The following AFG1L variants were observed in gnomAD, a reference collection of about 807,000 sequenced individuals.
AFG1L encodes the protein AFG1-like ATPase.
AFG1L carries 53 observed loss-of-function variants against 62.2 expected under a neutral mutation model. The ratio of observed to expected loss-of-function variants is 0.85; its 90% CI spans 0.68 to 1.07. The LOEUF (loss-of-function observed/expected upper bound fraction) is 1.07. Ranked by LOEUF, AFG1L falls within the 50% of genes least tolerant of loss-of-function variation. The pLI is 0.00. For synonymous variants in AFG1L, 228 were observed against 210.3 expected (o/e 1.08, Z -0.73); for missense variants, 555 against 590.5 (o/e 0.94, Z 0.62).
At chr6:108,403,596 T>C (rs986556962) in intron 7 of AFG1L, among the ~76,000 whole-genome samples, 14 of 152,140 alleles carry the variant, frequency 9.2e-5, no homozygotes, top group African/African-American at 3.4e-4. Flanking sequence ...GACATAGACT[T>C]GCAACGTTTT....
intron 1 of AFG1L, among the ~76,000 whole-genome samples, chr6:108,312,056 G>A (rs1270837140): frequency 2.6e-5 from 4 of 152,010 alleles, no homozygotes; most frequent in Non-Finnish European, 5.9e-5. Context: ...GTAGAGATGG[G>A]GTTTCACCAT....
intron 3 of AFG1L, among the ~76,000 whole-genome samples, chr6:108,347,886 A>G (rs1216676609): frequency 6.6e-6 from 1 of 152,004 alleles, no homozygotes; most frequent in Non-Finnish European, 1.5e-5. Flanking sequence ...TTCTACTGGC[A>G]TACTCAAAAC....
intron 7 of AFG1L, among the ~76,000 whole-genome samples, chr6:108,432,545 T>G (rs970132297): frequency 1.3e-5 from 2 of 152,222 alleles, no homozygotes; most frequent in Non-Finnish European, 2.9e-5. Flanking sequence ...TCTCTACCTC[T>G]ATGGTTCTAA....
chr6:108,498,370 C>T (rs1582667919), intron 10 of AFG1L, among the ~76,000 whole-genome samples: 1 of 152,244 alleles, frequency 6.6e-6, no homozygotes, highest in Non-Finnish European at 1.5e-5. Context: ...TTCAATTCTC[C>T]AGTGGGTTTT....
intron 7 of AFG1L, among the ~76,000 whole-genome samples, chr6:108,442,371 G>T (rs1350940901): frequency 1.3e-5 from 2 of 151,950 alleles, no homozygotes; most frequent in Non-Finnish European, 2.9e-5. Context: ...TAAAACACAG[G>T]ACATCTTGAG....
intron 2 of AFG1L, among the ~76,000 whole-genome samples, chr6:108,329,361 C>G (rs185179218): frequency 1.5e-4 from 23 of 151,872 alleles, no homozygotes; most frequent in African/African-American, 5.6e-4. Context: ...TGCAATGGTG[C>G]GATCTTGGCT....
At chr6:108,485,425 C>T (rs1773499626) in intron 10 of AFG1L, among the ~76,000 whole-genome samples, 1 of 151,096 alleles carries the variant, frequency 6.6e-6, no homozygotes, top group South Asian at 2.1e-4. Flanking sequence ...TGTATACTTT[C>T]AATATGTTCT....
rs1411895560 is a variant in AFG1L, at chr6:108,366,229, A to G, written c.649-4A>G. On this transcript the variant is annotated splice_polypyrimidine_tract_variant and splice_region_variant and intron_variant, in intron 5 of 12. Transcript: ENST00000368977. ...AAATAAAACAAATGTGTTGTTGTCA[A>G]TAGGTCACTGACATTGCTGATGCCA... is the stretch of plus-strand genomic sequence containing the variant. 20 of 1,566,416 alleles carry G rather than the reference A, an allele frequency of 1.3e-5. No individual in the cohort carries two copies. The East Asian group carries it at 2.2e-4, about 18-fold the overall frequency.
intron 2 of AFG1L, 94 bp downstream of exon 2, chr6:108,324,142 T>C (rs1777938397): frequency 6.8e-6 from 6 of 881,314 alleles, no homozygotes; most frequent in Non-Finnish European, 1.0e-5. Flanking sequence ...ATGAAACATC[T>C]TGAAAAATTT....
intron 6 of AFG1L, 143 bp from the exon 7 acceptor site, chr6:108,401,853 G>T: frequency 2.0e-6 from 1 of 501,902 alleles, no homozygotes; most frequent in Non-Finnish European, 3.6e-6. Flanking sequence ...AGGACCCAAA[G>T]AGAAATCAAT....
chr6:108,506,904 C>A (rs1774441826), intron 10 of AFG1L, among the ~76,000 whole-genome samples: 1 of 152,114 alleles, frequency 6.6e-6, no homozygotes, highest in South Asian at 2.1e-4. Flanking sequence ...TTATTATTCT[C>A]TTTTTAATTT....
At chr6:108,324,837 C>T (rs758576039) in intron 2 of AFG1L, among the ~76,000 whole-genome samples, 7 of 151,970 alleles carry the variant, frequency 4.6e-5, no homozygotes, top group Admixed American at 1.3e-4. Context: ...GGGTAACAAG[C>T]GTGGACCACC....
intron 7 of AFG1L, among the ~76,000 whole-genome samples, chr6:108,432,434 C>T (rs1771117867): frequency 6.6e-6 from 1 of 152,168 alleles, no homozygotes; most frequent in African/African-American, 2.4e-5. Context: ...CTGGACTACT[C>T]ATATACTTTT....
intron 3 of AFG1L, 139 bp downstream of exon 3, chr6:108,347,178 A>G: frequency 1.4e-6 from 1 of 708,546 alleles, no homozygotes; most frequent in Non-Finnish European, 2.4e-6. Context: ...GGGAGAGAAG[A>G]AAAGGGAGAG....
chr6:108,448,040 C>T (rs1008296087), intron 8 of AFG1L, among the ~76,000 whole-genome samples: 2 of 152,100 alleles, frequency 1.3e-5, no homozygotes, highest in Admixed American at 6.6e-5. Context: ...TTGATGACAA[C>T]GTGCATTTGA....
At chr6:108,446,051 TACACACACACAC>T (rs67384163) in intron 7 of AFG1L, among the ~76,000 whole-genome samples, 17,594 of 141,728 alleles carry the variant, frequency 0.12, 1,287 homozygotes, top group African/African-American at 0.21. Flanking sequence ...TATGTAGAGA[TACACACACACAC>T]ACACACACAC....
At chr6:108,430,631 G>T (rs1204950879) in intron 7 of AFG1L, among the ~76,000 whole-genome samples, 1 of 152,170 alleles carries the variant, frequency 6.6e-6, no homozygotes, top group African/African-American at 2.4e-5. Context: ...TGGAGCCAAT[G>T]AGCCTGTCTT....
intron 1 of AFG1L, among the ~76,000 whole-genome samples, chr6:108,306,713 C>T (rs918799954): frequency 2.0e-5 from 3 of 152,172 alleles, no homozygotes; most frequent in East Asian, 1.9e-4. Flanking sequence ...TTTGTGCTGT[C>T]GGTCAAGTCT....
intron 1 of AFG1L, among the ~76,000 whole-genome samples, chr6:108,316,047 TA>T (rs915634758): frequency 2.0e-5 from 3 of 150,454 alleles, no homozygotes; most frequent in Non-Finnish European, 3.0e-5. Flanking sequence ...AGACCCTGCT[TA>T]AAAAAAAATT....
Sources: gnomAD v4.1 joint callset for allele counts (sites outside exome capture counted in the v4.1 genomes callset) on GRCh38, gnomAD v4.1.1 for gene constraint, MANE v1.5 for transcripts, NCBI Gene and HGNC (gene_info 2026-07-23, HGNC 2026-07-21) for gene names.